CAMTA1: variants seen among roughly 807,000 people sequenced by gnomAD.
CAMTA1 encodes calmodulin binding transcription activator 1, also known as calmodulin-binding transcription activator 1.
CAMTA1 carries 27 observed loss-of-function variants against 170.9 expected under a neutral mutation model. That is an observed-to-expected ratio of 0.16 (90% CI 0.12 to 0.22). CAMTA1 has a LOEUF of 0.22. CAMTA1 is among the 10% of genes least tolerant of loss of function. The probability of loss-of-function intolerance (pLI) is 1.00; values close to 1 mark genes in which losing one functional copy is unlikely to be tolerated. For missense variants in CAMTA1, 1,619 were observed against 2,217.2 expected, an observed-to-expected ratio of 0.73 and a Z score of 5.42; for synonymous variants, 833 against 891.5, an observed-to-expected ratio of 0.93 and a Z score of 1.17.
chr1:7,268,794 G>C (rs969979965), intron 5 of CAMTA1, among the ~76,000 whole-genome samples: 1 of 152,132 alleles, frequency 6.6e-6, no homozygotes, highest in African/African-American at 2.4e-5. Context: ...AGGAAAATAT[G>C]ACCTATATCC....
intron 4 of CAMTA1, among the ~76,000 whole-genome samples, chr1:7,245,520 T>A (rs1665625658): frequency 6.6e-6 from 1 of 152,036 alleles, no homozygotes; most frequent in Non-Finnish European, 1.5e-5. Context: ...TTATACCCAT[T>A]TCTTTACTGT....
chr1:7,501,941 C>A (rs1725259), intron 6 of CAMTA1, among the ~76,000 whole-genome samples: 85,026 of 151,990 alleles, frequency 0.56, 25,288 homozygotes, highest in Middle Eastern at 0.79. Context: ...GGCTTTGGGA[C>A]CCCTGGTGTT....
At chr1:7,006,275 G>A (rs944436286) in intron 3 of CAMTA1, among the ~76,000 whole-genome samples, 2 of 152,142 alleles carry the variant, frequency 1.3e-5, no homozygotes, top group African/African-American at 4.8e-5. Flanking sequence ...AGATTTTTAA[G>A]AATAGAGTTT....
At chr1:6,883,114 G>A (rs532972603) in intron 3 of CAMTA1, among the ~76,000 whole-genome samples, 6 of 152,006 alleles carry the variant, frequency 3.9e-5, no homozygotes, top group Admixed American at 1.3e-4. Context: ...GGCTGGTCTC[G>A]ATCCCCTGAC....
rs947345933 is a variant in CAMTA1, at chr1:7,007,533, GTCC to G, written c.235-83766_235-83764del. Among the ~76,000 whole-genome samples the G allele has an allele frequency of 6.6e-6, 1 of 152,136 alleles. No homozygotes were observed. Among genetic ancestry groups the G allele is most frequent in the Non-Finnish European group, 1.5e-5 (1 of 68,020 alleles). ...TCAGACCCTTGGGATACCTGGCGTG[GTCC>G]TCCTGACCGGGGCTCAGTTTACCTC... On this transcript the variant is annotated intron_variant, in intron 3 of 22. Coordinates refer to ENST00000303635, the MANE Select transcript of CAMTA1 (RefSeq NM_015215.4). This position sits in a 1 kb window ranked among gnomAD's most constrained non-coding sequence, Gnocchi z 4.5.
chr1:6,966,125 G>C (rs1014146514), intron 3 of CAMTA1, among the ~76,000 whole-genome samples: 14 of 152,210 alleles, frequency 9.2e-5, no homozygotes, highest in African/African-American at 3.4e-4. Flanking sequence ...GCCACTCTCA[G>C]ATTCAAGCCC....
chr1:7,437,523 C>T (rs1043117447), intron 5 of CAMTA1, among the ~76,000 whole-genome samples: 1 of 152,132 alleles, frequency 6.6e-6, no homozygotes, highest in African/African-American at 2.4e-5. Context: ...TGAATCAGGG[C>T]CCACCGACTC....
chr1:6,956,000 T>G (rs1018281050), intron 3 of CAMTA1, among the ~76,000 whole-genome samples: 42 of 151,916 alleles, frequency 2.8e-4, no homozygotes, highest in Admixed American at 1.2e-3. Flanking sequence ...CTTTGCAGGG[T>G]TTTTCAGTAT....
chr1:7,147,048 ACACT>A (rs1040286487), intron 4 of CAMTA1, among the ~76,000 whole-genome samples: 5 of 151,722 alleles, frequency 3.3e-5, no homozygotes, highest in Non-Finnish European at 5.9e-5. Flanking sequence ...CTTTGCACAC[ACACT>A]CAAATGTATA....
chr1:6,893,316 C>T (rs532076167), intron 3 of CAMTA1, among the ~76,000 whole-genome samples: 1 of 152,294 alleles, frequency 6.6e-6, no homozygotes, highest in African/African-American at 2.4e-5. Context: ...AGCCTGGCAC[C>T]TATGAGTTCT....
rs919342885 is a variant in CAMTA1, at chr1:7,532,403, C to T, written c.510+64502C>T. ...CGCAGCCTCCTGGGCTCAAGTGATC[C>T]TCCCACCTCAGCCTCCCAAGTATCT... is the stretch of plus-strand genomic sequence containing the variant. On this transcript the variant is annotated intron_variant, in intron 6 of 22. Transcript: ENST00000303635. This position sits in a 1 kb window ranked among gnomAD's most constrained non-coding sequence, Gnocchi z 4.2. Among the ~76,000 whole-genome samples, 1 of 152,122 alleles carries T rather than the reference C, an allele frequency of 6.6e-6. No homozygotes were observed. Among genetic ancestry groups the T allele is most frequent in the Non-Finnish European group, 1.5e-5 (1 of 68,036 alleles).
At chr1:7,656,438 G>A (rs2095903763) in intron 7 of CAMTA1, among the ~76,000 whole-genome samples, 1 of 152,324 alleles carries the variant, frequency 6.6e-6, no homozygotes. Context: ...GCTGGGATAG[G>A]GTCCCACCCA....
At chr1:7,657,386 G>A (rs1269459456) in intron 7 of CAMTA1, among the ~76,000 whole-genome samples, 1 of 152,174 alleles carries the variant, frequency 6.6e-6, no homozygotes, top group Non-Finnish European at 1.5e-5. Context: ...ACCGCCCGGT[G>A]AGGTACAGTG....
At chr1:7,560,275 C>T (rs1396644556) in intron 6 of CAMTA1, among the ~76,000 whole-genome samples, 1 of 152,244 alleles carries the variant, frequency 6.6e-6, no homozygotes, top group Non-Finnish European at 1.5e-5. Flanking sequence ...GCAGGCCCCA[C>T]TGCCCTTCAG....
chr1:7,018,652 A>G (rs946955891), intron 3 of CAMTA1, among the ~76,000 whole-genome samples: 1 of 152,186 alleles, frequency 6.6e-6, no homozygotes, highest in Non-Finnish European at 1.5e-5. Context: ...AGTGCCAACA[A>G]GGTGTTCTCG....
intron 5 of CAMTA1, among the ~76,000 whole-genome samples, chr1:7,289,613 A>G (rs778906422): frequency 1.4e-4 from 21 of 152,226 alleles, no homozygotes; most frequent in Non-Finnish European, 2.9e-4. Context: ...TTCTTTGGAA[A>G]TAAAGGCTTT....
intron 6 of CAMTA1, among the ~76,000 whole-genome samples, chr1:7,489,233 C>T (rs1022288775): frequency 3.2e-4 from 48 of 152,332 alleles, no homozygotes; most frequent in African/African-American, 9.6e-4. Flanking sequence ...TGTTTCTGTC[C>T]CCCGTTTCCA....
At chr1:7,523,625 T>A (rs1307078127) in intron 6 of CAMTA1, among the ~76,000 whole-genome samples, 2 of 152,020 alleles carry the variant, frequency 1.3e-5, no homozygotes, top group African/African-American at 4.8e-5. Context: ...ACGCCTATAA[T>A]CCCAGCACTT....
chr1:7,596,135 C>T (rs866044946), intron 6 of CAMTA1, among the ~76,000 whole-genome samples: 1 of 152,220 alleles, frequency 6.6e-6, no homozygotes, highest in Non-Finnish European at 1.5e-5. Context: ...GGCTTGGCTG[C>T]CTGCAGATGA....
Sources: gnomAD v4.1 joint callset for allele counts (sites outside exome capture counted in the v4.1 genomes callset) on GRCh38, gnomAD v4.1.1 for gene constraint, Gnocchi (gnomAD v3.1) non-coding constraint, MANE v1.5 for transcripts, NCBI Gene and HGNC (gene_info 2026-07-23, HGNC 2026-07-21) for gene names.